STARD9: variants seen among roughly 807,000 people sequenced by gnomAD.
STARD9 encodes stAR-related lipid transfer protein 9.
In STARD9, 346 loss-of-function variants were observed where a neutral mutation model predicts 399.8. The ratio of observed to expected loss-of-function variants is 0.87; its 90% CI spans 0.79 to 0.95. The LOEUF (loss-of-function observed/expected upper bound fraction) is 0.95, where lower values mean the gene tolerates loss of function less well. Ranked by LOEUF, STARD9 falls within the 40% of genes least tolerant of loss-of-function variation. The pLI, the probability that STARD9 is intolerant of heterozygous loss-of-function variation, is 0.00. For missense variants in STARD9, 5,832 were observed against 5,667.5 expected, an observed-to-expected ratio of 1.03 and a Z score of -0.93; for synonymous variants, 2,203 against 2,143.5, an observed-to-expected ratio of 1.03 and a Z score of -0.77.
intron 28 of STARD9, 123 bp from the exon 29 acceptor site, chr15:42,717,606 CAG>C: frequency 2.4e-6 from 2 of 840,854 alleles, no homozygotes; most frequent in South Asian, 2.9e-5. Context: ...GCCTGGGTGA[CAG>C]AGCTAGACCC....
At chr15:42,667,350 A>C (rs1282839327) in intron 15 of STARD9, among the ~76,000 whole-genome samples, 1 of 150,230 alleles carries the variant, frequency 6.7e-6, no homozygotes, top group Non-Finnish European at 1.5e-5. Context: ...ACGCCCGACT[A>C]ATTTTTGTAT....
intron 3 of STARD9, among the ~76,000 whole-genome samples, chr15:42,624,437 ATATATTATC>A (rs2059156192): frequency 6.6e-6 from 1 of 151,960 alleles, no homozygotes; most frequent in Non-Finnish European, 1.5e-5. Context: ...GGAACATTAG[ATATATTATC>A]TAGAAATAAA....
At chr15:42,618,037 G>C (rs2059008812) in intron 3 of STARD9, among the ~76,000 whole-genome samples, 1 of 152,110 alleles carries the variant, frequency 6.6e-6, no homozygotes, top group Non-Finnish European at 1.5e-5. Context: ...GGGATTATAG[G>C]CATGAGCCAC....
At chr15:42,663,607 A>C in intron 12 of STARD9, 117 bp downstream of exon 12, 1 of 615,210 alleles carries the variant, frequency 1.6e-6, no homozygotes, top group Non-Finnish European at 2.9e-6. Context: ...CTGGTACTCT[A>C]TCTCAGAGAA....
At chr15:42,644,201 T>G (rs2059600681) in intron 7 of STARD9, among the ~76,000 whole-genome samples, 1 of 152,226 alleles carries the variant, frequency 6.6e-6, no homozygotes, top group Non-Finnish European at 1.5e-5. Context: ...GTATTAAAAA[T>G]GTACATACTT....
chr15:42,677,710 C>T (rs2060339363), intron 20 of STARD9, among the ~76,000 whole-genome samples: 1 of 152,210 alleles, frequency 6.6e-6, no homozygotes, highest in South Asian at 2.1e-4. Flanking sequence ...AGTCAATGAA[C>T]CTCTGAGCCT....
At chr15:42,598,712 T>C (rs1462301860) in intron 3 of STARD9, among the ~76,000 whole-genome samples, 4 of 152,064 alleles carry the variant, frequency 2.6e-5, no homozygotes, top group African/African-American at 7.2e-5. Flanking sequence ...GTGTTGGGAG[T>C]GTTATAATTC....
rs1296964720 is a variant in STARD9, at chr15:42,691,901, G to C, written c.10323G>C (p.Leu3441=). ...EQAQQGKREK[L]GVQVRPENWC... ...CCCAACAGGGAAAGCGAGAGAAACT[G>C]GGTGTCCAGGTTAGGCCAGAAAATT... The change falls in exon 23 of 33, where the codon CTG becomes CTC. Residue 3441 remains leucine (L), a synonymous_variant. Transcript: ENST00000290607. 2.6e-6 allele frequency: 4 copies of C among 1,537,264 alleles called. No individual in the cohort carries two copies. The South Asian group carries it at 4.8e-5, about 18-fold the overall frequency.
intron 3 of STARD9, among the ~76,000 whole-genome samples, chr15:42,603,834 G>A (rs1048861939): frequency 9.9e-5 from 15 of 152,052 alleles, no homozygotes; most frequent in Non-Finnish European, 1.8e-4. Flanking sequence ...AGAATACAGG[G>A]TCTGAAAAAT....
At chr15:42,612,817 C>A (rs990466196) in intron 3 of STARD9, among the ~76,000 whole-genome samples, 1 of 152,058 alleles carries the variant, frequency 6.6e-6, no homozygotes, top group South Asian at 2.1e-4. Context: ...AACCCCGTCT[C>A]TGCTAAAAGT....
At chr15:42,683,028 A>T (rs991613029) in intron 22 of STARD9, among the ~76,000 whole-genome samples, 4 of 152,158 alleles carry the variant, frequency 2.6e-5, no homozygotes, top group Non-Finnish European at 5.9e-5. Context: ...TGACTGAGCT[A>T]TCTTTTTGAC....
intron 20 of STARD9, among the ~76,000 whole-genome samples, chr15:42,680,881 T>TCACA (rs149735996): frequency 6.6e-6 from 1 of 151,848 alleles, no homozygotes; most frequent in Non-Finnish European, 1.5e-5. Context: ...CTCCTTTGGG[T>TCACA]CACACACACA....
At chr15:42,696,465 A>C (rs1314075179) in intron 26 of STARD9, among the ~76,000 whole-genome samples, 1 of 152,200 alleles carries the variant, frequency 6.6e-6, no homozygotes, top group Non-Finnish European at 1.5e-5. Context: ...TGACATGAGA[A>C]GGGACTAGAA....
chr15:42,652,085 C>A (rs2059772240), intron 8 of STARD9, among the ~76,000 whole-genome samples: 1 of 152,184 alleles, frequency 6.6e-6, no homozygotes, highest in Non-Finnish European at 1.5e-5. Flanking sequence ...CTTACCTTCT[C>A]TGTCTTTGAG....
Position 42,688,580 on chromosome 15 carries a change from C to T in STARD9, c.7002C>T (p.Thr2334=). 6.5e-7 allele frequency: 1 copy of T among 1,537,666 alleles called. No individual in the cohort carries two copies. Among genetic ancestry groups the T allele is most frequent in the Non-Finnish European group, 8.7e-7 (1 of 1,147,036 alleles). ...CTCTTCACCAAGACCTGAGTAATAC[C>T]TTGCCCTTGAATTCTCCAAGGTGGC... is the stretch of plus-strand genomic sequence containing the variant. ...TAPLHQDLSN[T]LPLNSPRWPR... The change falls in exon 23 of 33, where the codon ACC becomes ACT. Residue 2334 remains threonine, a synonymous_variant. Coordinates refer to ENST00000290607, the MANE Select transcript of STARD9 (RefSeq NM_020759.3).
chr15:42,689,853 G>C lies in STARD9; in HGVS notation c.8275G>C (p.Glu2759Gln), dbSNP rs541125477. Reference protein sequence around the residue: ...PYDDPRVTLHELSQSVPQETA... With the variant: ...PYDDPRVTLHQLSQSVPQETA... ...TGATGATCCTAGAGTGACTCTGCAT[G>C]AGCTAAGTCAGTCAGTTCCGCAGGA... The change falls in exon 23 of 33, where the codon GAG becomes CAG. Residue 2759 changes from glutamate (E) to glutamine (Q), a missense_variant. Physicochemically the swap from Glu to Gln is conservative, Grantham distance 29 (BLOSUM62 2). Coordinates refer to ENST00000290607, the MANE Select transcript of STARD9 (RefSeq NM_020759.3). 2.2e-5 allele frequency: 34 copies of C among 1,537,354 alleles called. No individual in the cohort carries two copies. The African/African-American group carries it at 4.6e-4, about 21-fold the overall frequency.
rs985586465 is a variant in STARD9 at position 42,716,991 on chromosome 15, C to G, written c.13437C>G (p.Cys4479Trp). ...SPSSLSSLGTCFSSSYQDLAK... is the reference protein window; with the variant it reads ...SPSSLSSLGTWFSSSYQDLAK... ...CCAGTCTGTCCAGCTTGGGGACCTGCTTTTCCTCCTCCTACCAGGATTTGG... is the reference window on the plus strand; with the variant it reads ...CCAGTCTGTCCAGCTTGGGGACCTGGTTTTCCTCCTCCTACCAGGATTTGG... The change falls in exon 28 of 33, where the codon TGC (cysteine) becomes TGG (tryptophan). Residue 4479 changes from cysteine to tryptophan, a missense_variant. This residue lies in a region of STARD9 where 5,828 missense variants were observed against 5,651.1 expected (regional missense o/e 1.03). Transcript: ENST00000290607. 3 of 1,537,132 alleles carry G rather than the reference C, an allele frequency of 2.0e-6. No homozygotes were observed. The highest frequency in any genetic ancestry group is 2.7e-5 in the African/African-American group (2 of 73,026).
chr15:42,701,588 G>T (rs1404376917), intron 26 of STARD9, among the ~76,000 whole-genome samples: 1 of 152,074 alleles, frequency 6.6e-6, no homozygotes, highest in African/African-American at 2.4e-5. Context: ...TATGTTGATT[G>T]ATAAATAAAA....
intron 26 of STARD9, 111 bp downstream of exon 26, chr15:42,695,991 GC>G: frequency 5.9e-6 from 7 of 1,191,840 alleles, no homozygotes; most frequent in Non-Finnish European, 8.0e-6. Context: ...CCTCCTGGAG[GC>G]CACTGCTGAC....
Sources: allele counts gnomAD v4.1 joint callset (sites outside exome capture counted in the v4.1 genomes callset), GRCh38; gene constraint gnomAD v4.1.1; regional missense constraint gnomAD v4.1.1; transcripts MANE v1.5; gene names NCBI Gene and HGNC (gene_info 2026-07-23, HGNC 2026-07-21).